ITGA8: variants seen among roughly 807,000 people sequenced by gnomAD.
ITGA8 encodes the protein integrin alpha-8.
Under a neutral mutation model 142.3 loss-of-function variants are expected in ITGA8, and 91 were observed. The observed-to-expected ratio is 0.64, with a 90% CI of 0.54 to 0.76. The LOEUF (loss-of-function observed/expected upper bound fraction) is 0.76, where lower values mean the gene tolerates loss of function less well. Among genes scored for constraint, ITGA8 ranks in the 30% least tolerant of loss-of-function variants. ITGA8 has a pLI of 0.00. For missense variants in ITGA8, 1,406 were observed against 1,327.7 expected (o/e 1.06, Z -0.92); for synonymous variants, 505 against 485.2 (o/e 1.04, Z -0.54).
At chr10:15,677,732 AAC>A in intron 5 of ITGA8, 95 bp from the exon 6 acceptor site, 1 of 1,246,614 alleles carries the variant, frequency 8.0e-7, no homozygotes, top group Middle Eastern at 1.9e-4. Context: ...GCATTGCTCT[AAC>A]AATTTGTTAC....
rs11253585 is a variant in ITGA8 at position 15,631,063 on chromosome 10, G to C, written c.1399+12967C>G. Among the ~76,000 whole-genome samples, 450 of 151,972 alleles carry C rather than the reference G, an allele frequency of 3.0e-3. 10 individuals carry two copies. In the East Asian group the frequency reaches 0.066, roughly 22 times the overall value. Reference sequence around the variant, plus strand: ...TTTATTTAAGTTCCTTATAGATTCTGGATATTATGCTGGAGAGGATGTGGA... The same window carrying C: ...TTTATTTAAGTTCCTTATAGATTCTCGATATTATGCTGGAGAGGATGTGGA... On this transcript the variant is annotated intron_variant, in intron 13 of 29. Coordinates refer to ENST00000378076, the MANE Select transcript of ITGA8 (RefSeq NM_003638.3).
At chr10:15,617,638 A>C (rs1833418843) in intron 13 of ITGA8, among the ~76,000 whole-genome samples, 1 of 151,694 alleles carries the variant, frequency 6.6e-6, no homozygotes, top group Non-Finnish European at 1.5e-5. Context: ...TGACCTCATG[A>C]TCCACCCGCC....
Position 15,719,697 on chromosome 10 carries a change from G to C in ITGA8, c.75C>G (p.Ala25=). 6.9e-7 allele frequency: 1 copy of C among 1,459,458 alleles called. No homozygotes were observed. Among genetic ancestry groups the C allele is most frequent in the Non-Finnish European group, 9.0e-7 (1 of 1,115,522 alleles). The allele number at this position is 1,459,458 out of a possible 1,614,324, so 90.4% of individuals were successfully genotyped here. A position where few individuals can be genotyped will look rare whatever the true frequency, so the allele number is the denominator to read the frequency against. ...GGGACCACAGCAACATCCCCAGCGC[G>C]GCCGCGGCGCAGCAGAGGGGCGCGA... The part of the protein sequence containing the change: ...PLIAPLCCAA[A]ALGMLLWSPA... The change falls in exon 1 of 30, where the codon GCC becomes GCG. Residue 25 remains alanine (A), a synonymous_variant. Coordinates refer to ENST00000378076, the MANE Select transcript of ITGA8 (RefSeq NM_003638.3).
chr10:15,516,273 A>T lies in ITGA8; in HGVS notation c.*885T>A, dbSNP rs1460810690. ...AGTCAATGGAAAGATATACAAGGAA[A>T]TATAAATGCAACATCTTGCAAAGCT... is the stretch of plus-strand genomic sequence containing the variant. On this transcript the variant is annotated 3_prime_UTR_variant, in exon 30 of 30. Transcript: ENST00000378076. 1 of 152,244 alleles carries T rather than the reference A, an allele frequency of 6.6e-6. No homozygotes were observed. Among genetic ancestry groups the T allele is most frequent in the Non-Finnish European group, 1.5e-5 (1 of 68,050 alleles). 9.4% of individuals were successfully genotyped at this position (152,244 alleles called of 1,614,324 possible). A position where few individuals can be genotyped will look rare whatever the true frequency, so the allele number is the denominator to read the frequency against.
intron 3 of ITGA8, among the ~76,000 whole-genome samples, chr10:15,686,200 A>G (rs181258965): frequency 6.6e-6 from 1 of 152,274 alleles, no homozygotes; most frequent in African/African-American, 2.4e-5. Flanking sequence ...ATGTATAACT[A>G]TTTTTAGTAA....
chr10:15,649,073 G>T (rs1834038870), intron 11 of ITGA8, among the ~76,000 whole-genome samples: 1 of 152,076 alleles, frequency 6.6e-6, no homozygotes, highest in Admixed American at 6.6e-5. Flanking sequence ...TCCCAAGGTG[G>T]GCTCTCCAGG....
intron 20 of ITGA8, among the ~76,000 whole-genome samples, chr10:15,602,520 C>T (rs1432404399): frequency 2.0e-5 from 3 of 152,114 alleles, no homozygotes; most frequent in Admixed American, 1.3e-4. Flanking sequence ...GGTGGACCGC[C>T]TGACCCCAGG....
At chr10:15,704,676 G>A (rs1411552939) in intron 2 of ITGA8, among the ~76,000 whole-genome samples, 1 of 152,120 alleles carries the variant, frequency 6.6e-6, no homozygotes, top group Non-Finnish European at 1.5e-5. Context: ...CAGGAACACA[G>A]CATGCTTCTG....
rs1259969069 is a variant in ITGA8, at chr10:15,560,362, C to T, written c.2638-2160G>A. 2.0e-5 allele frequency among the ~76,000 whole-genome samples: 3 copies of T among 152,120 alleles called. No homozygotes were observed. In the East Asian group the frequency reaches 5.8e-4, roughly 29 times the overall value. The stretch of plus-strand genomic sequence containing the variant: ...ATTGGTGGAGGTGGAAATTTAACTG[C>T]AGTAGCTCAAGAGTGAAAGGATTTT... On this transcript the variant is annotated intron_variant, in intron 25 of 29. Transcript: ENST00000378076.
At chr10:15,597,789 T>C (rs1833034175) in intron 20 of ITGA8, among the ~76,000 whole-genome samples, 1 of 152,242 alleles carries the variant, frequency 6.6e-6, no homozygotes, top group South Asian at 2.1e-4. Flanking sequence ...TGCAATCGAC[T>C]TTCTTCTGTT....
Position 15,675,366 on chromosome 10 carries a change from G to A in ITGA8, c.676+2226C>T, listed in dbSNP as rs151301863. Among the ~76,000 whole-genome samples the A allele has an allele frequency of 2.1e-3, 325 of 152,178 alleles. 1 individual carries two copies. Among genetic ancestry groups the A allele is most frequent in the African/African-American group, 7.4e-3 (307 of 41,538 alleles). On this transcript the variant is annotated intron_variant, in intron 6 of 29. Coordinates refer to ENST00000378076, the MANE Select transcript of ITGA8 (RefSeq NM_003638.3). ...CACCTACAGCCATTCAGTAGCAGGC[G>A]TCAGAAACACTCCCTTACCACCTTT... is the stretch of plus-strand genomic sequence containing the variant.
intron 3 of ITGA8, among the ~76,000 whole-genome samples, chr10:15,684,581 C>T (rs772654916): frequency 2.0e-5 from 3 of 152,010 alleles, no homozygotes; most frequent in Non-Finnish European, 1.5e-5. Context: ...TTATGTTGCT[C>T]CAACTGGTCT....
At position 15,663,446 on chromosome 10, in the gene ITGA8, A is replaced by AT. The variant is rs199883447; in HGVS notation, c.848-2525dup. Among the ~76,000 whole-genome samples, 47 of 152,280 alleles carry AT rather than the reference A, an allele frequency of 3.1e-4. No homozygotes were observed. In the East Asian group the frequency reaches 9.1e-3, roughly 29 times the overall value. ...TTAAAACCCAATCCATTTTTCAGATATTTCTGAGATCTGATGGAAAATCAC... is the reference window on the plus strand; with the variant it reads ...TTAAAACCCAATCCATTTTTCAGATATTTTCTGAGATCTGATGGAAAATCAC... On this transcript the variant is annotated intron_variant, in intron 8 of 29. Coordinates refer to ENST00000378076, the MANE Select transcript of ITGA8 (RefSeq NM_003638.3).
intron 8 of ITGA8, among the ~76,000 whole-genome samples, chr10:15,665,243 G>T (rs4317879): frequency 1.1e-4 from 17 of 151,912 alleles, no homozygotes; most frequent in Non-Finnish European, 2.4e-4. Context: ...TTGTGGTTTT[G>T]ATTTGCATTT....
intron 2 of ITGA8, among the ~76,000 whole-genome samples, chr10:15,713,769 G>A (rs1004553037): frequency 3.3e-5 from 5 of 152,056 alleles, no homozygotes; most frequent in Non-Finnish European, 4.4e-5. Flanking sequence ...AAAGGCTTCC[G>A]GTCTCCCGCA....
intron 28 of ITGA8, among the ~76,000 whole-genome samples, chr10:15,523,828 A>C (rs1833114537): frequency 6.6e-6 from 1 of 151,686 alleles, no homozygotes; most frequent in African/African-American, 2.4e-5. Flanking sequence ...GCTGCTCAGG[A>C]GGCTGAGGCA....
At chr10:15,641,971 T>C (rs1018793008) in intron 13 of ITGA8, among the ~76,000 whole-genome samples, 6 of 151,874 alleles carry the variant, frequency 4.0e-5, no homozygotes, top group African/African-American at 1.5e-4. Flanking sequence ...CTACTAAAAC[T>C]ACAAAAATGA....
At chr10:15,527,906 C>CTT (rs34758919) in intron 28 of ITGA8, among the ~76,000 whole-genome samples, 3,904 of 78,068 alleles carry the variant, frequency 0.05, 1,589 homozygotes, top group African/African-American at 0.14. Context: ...TTCGGCTGGG[C>CTT]TTTTTTTTTT....
intron 21 of ITGA8, among the ~76,000 whole-genome samples, chr10:15,595,263 A>T (rs1832993365): frequency 6.6e-6 from 1 of 152,198 alleles, no homozygotes; most frequent in Non-Finnish European, 1.5e-5. Context: ...CTGGCAATTT[A>T]TGTTGCTTTT....
Sources: gnomAD v4.1 joint callset for allele counts (sites outside exome capture counted in the v4.1 genomes callset) on GRCh38, gnomAD v4.1.1 for gene constraint, MANE v1.5 for transcripts, NCBI Gene and HGNC (gene_info 2026-07-23, HGNC 2026-07-21) for gene names.